The following IL1RL1 variants were observed in gnomAD, a reference collection of about 807,000 sequenced individuals.
IL1RL1 encodes the protein interleukin 1 receptor like 1.
Under a neutral mutation model 50.9 loss-of-function variants are expected in IL1RL1, and 32 were observed. The ratio of observed to expected loss-of-function variants is 0.63; its 90% CI spans 0.47 to 0.84. The LOEUF (loss-of-function observed/expected upper bound fraction) is 0.84. IL1RL1 is among the 40% of genes least tolerant of loss of function. IL1RL1 has a pLI of 0.00. For synonymous variants in IL1RL1, 275 were observed against 236.0 expected (o/e 1.17, Z -1.51); for missense variants, 773 against 662.9 (o/e 1.17, Z -1.82).
chr2:102,323,273 A>ATATATATATATAGT (rs1303334375), intron 1 of IL1RL1, among the ~76,000 whole-genome samples: 58 of 48,474 alleles, frequency 1.2e-3, no homozygotes, highest in Non-Finnish European at 2.4e-3. Context: ...ATATATATAT[A>ATATATATATATAGT]GTGTGTGTGT....
At chr2:102,340,063 A>T (rs1677484299) in intron 3 of IL1RL1, 35 bp from the exon 4 acceptor site, 1 of 1,324,692 alleles carries the variant, frequency 7.5e-7, no homozygotes, top group Admixed American at 2.7e-5. Flanking sequence ...CACAATGCTA[A>T]GTGACTCTTT....
chr2:102,348,932 A>C (rs12999542), intron 9 of IL1RL1, 147 bp from the exon 10 acceptor site: 69,442 of 610,028 alleles, frequency 0.11, 4,769 homozygotes, highest in Middle Eastern at 0.31. Flanking sequence ...CAGTGGTTTG[A>C]CGTCAACATC....
chr2:102,337,604 G>A (rs1379148092), intron 1 of IL1RL1, among the ~76,000 whole-genome samples: 1 of 152,120 alleles, frequency 6.6e-6, no homozygotes, highest in Non-Finnish European at 1.5e-5. Flanking sequence ...GAGGGTTTGG[G>A]GTTGAGAATA....
At chr2:102,321,376 T>A (rs1676833562) in intron 1 of IL1RL1, among the ~76,000 whole-genome samples, 1 of 152,230 alleles carries the variant, frequency 6.6e-6, no homozygotes, top group South Asian at 2.1e-4. Flanking sequence ...GTGATTGGCA[T>A]GAAAGAATAA....
intron 1 of IL1RL1, among the ~76,000 whole-genome samples, chr2:102,317,376 T>C (rs1208404372): frequency 6.6e-6 from 1 of 152,044 alleles, no homozygotes; most frequent in Admixed American, 6.6e-5. Flanking sequence ...TTCAGCAAAA[T>C]ACTTTTTAAA....
intron 8 of IL1RL1, chr2:102,346,010 A>G: frequency 5.1e-6 from 5 of 984,312 alleles, no homozygotes; most frequent in Non-Finnish European, 6.0e-6. Context: ...CTTCTAGCTT[A>G]TTTGTATTTC....
intron 1 of IL1RL1, among the ~76,000 whole-genome samples, chr2:102,314,716 C>A (rs1676623472): frequency 6.6e-6 from 1 of 152,110 alleles, no homozygotes; most frequent in South Asian, 2.1e-4. Context: ...TTTACTAAGA[C>A]AGTTGTAGAT....
chr2:102,318,458 GAGA>G (rs1209831473), intron 1 of IL1RL1, among the ~76,000 whole-genome samples: 1 of 151,878 alleles, frequency 6.6e-6, no homozygotes, highest in African/African-American at 2.4e-5. Flanking sequence ...CAGATTTTGG[GAGA>G]AGAACAGGGA....
Position 102,340,092 on chromosome 2 carries a change from T to C in IL1RL1, c.273-6T>C, listed in dbSNP as rs762523367. ...ACTCTTTTAATTGTCTGACTTATTT[T>C]AACAGTCCCACATTCAATAGGACTG... On this transcript the variant is annotated splice_region_variant and splice_polypyrimidine_tract_variant and intron_variant, in intron 3 of 10. Coordinates refer to ENST00000233954, the MANE Select transcript of IL1RL1 (RefSeq NM_016232.5). The C allele has an allele frequency of 6.8e-7, 1 of 1,479,860 alleles. No individual in the cohort carries two copies. The highest frequency in any genetic ancestry group is 9.0e-7 in the Non-Finnish European group (1 of 1,109,228). 91.7% of individuals were successfully genotyped at this position (1,479,860 alleles called of 1,614,324 possible).
At chr2:102,345,176 C>T in intron 8 of IL1RL1, 3 of 949,302 alleles carry the variant, frequency 3.2e-6, no homozygotes, top group Non-Finnish European at 3.8e-6. Context: ...TATGCCCAGA[C>T]AATGTGAAAC....
chr2:102,320,884 G>A (rs1005367571), intron 1 of IL1RL1, among the ~76,000 whole-genome samples: 8 of 152,142 alleles, frequency 5.3e-5, no homozygotes, highest in South Asian at 2.1e-4. Flanking sequence ...TAATACCTAC[G>A]TCAAGTTTGA....
rs776600848 is a variant in IL1RL1, at chr2:102,343,154, A to G, written c.801A>G (p.Gln267=). ...CAGACTTTGGTGAACCAAGAATTCAACAAGAGGAAGGGCAAAATCAAAGGT... is the reference window on the plus strand; with the variant it reads ...CAGACTTTGGTGAACCAAGAATTCAGCAAGAGGAAGGGCAAAATCAAAGGT... The part of the protein sequence containing the change: ...KITDFGEPRI[Q]QEEGQNQSFS... The change falls in exon 7 of 11, where the codon CAA becomes CAG. Residue 267 remains glutamine, a synonymous_variant. Transcript: ENST00000233954. The G allele has an allele frequency of 1.2e-6, 2 of 1,614,158 alleles. No homozygotes were observed. Among genetic ancestry groups the G allele is most frequent in the Non-Finnish European group, 8.5e-7 (1 of 1,179,996 alleles).
intron 9 of IL1RL1, among the ~76,000 whole-genome samples, chr2:102,348,693 C>T (rs17696376): frequency 0.092 from 14,020 of 152,166 alleles, 765 homozygotes; most frequent in Non-Finnish European, 0.1. Flanking sequence ...AAATTCTATG[C>T]CCTTGCTACT....
In IL1RL1 at chr2:102,349,254, T is replaced by A; in HGVS notation, c.1285+8T>A. Reference sequence around the variant, plus strand: ...ATATGCTACCTGGAGAAGGTAAAGCTATTGACATACATTAGGGACAGAAAT... The same window carrying A: ...ATATGCTACCTGGAGAAGGTAAAGCAATTGACATACATTAGGGACAGAAAT... On this transcript the variant is annotated splice_region_variant and intron_variant, in intron 10 of 10. Transcript: ENST00000233954. 1 of 1,611,106 alleles carries A rather than the reference T, an allele frequency of 6.2e-7. No individual in the cohort carries two copies. Among genetic ancestry groups the A allele is most frequent in the Non-Finnish European group, 8.5e-7 (1 of 1,177,304 alleles).
intron 1 of IL1RL1, among the ~76,000 whole-genome samples, chr2:102,316,578 T>G (rs1386846414): frequency 6.6e-6 from 1 of 152,160 alleles, no homozygotes; most frequent in Non-Finnish European, 1.5e-5. Context: ...AGTTTAATTT[T>G]TATAAAAAAG....
chr2:102,347,837 A>T, intron 8 of IL1RL1, 108 bp from the exon 9 acceptor site: 1 of 646,942 alleles, frequency 1.5e-6, no homozygotes, highest in Non-Finnish European at 2.7e-6. Context: ...CCCAGTGGGT[A>T]TATCTTATGT....
intron 1 of IL1RL1, among the ~76,000 whole-genome samples, chr2:102,318,062 CA>C (rs926116729): frequency 3.3e-5 from 5 of 152,118 alleles, no homozygotes; most frequent in African/African-American, 1.2e-4. Context: ...GACAGACCCC[CA>C]GGGGGTCTTC....
chr2:102,340,650 G>C lies in IL1RL1; in HGVS notation c.448-16G>C. The C allele has an allele frequency of 6.3e-7, 1 of 1,577,490 alleles. No homozygotes were observed. The highest frequency in any genetic ancestry group is 8.6e-7 in the Non-Finnish European group (1 of 1,169,154). On this transcript the variant is annotated splice_polypyrimidine_tract_variant and intron_variant, in intron 4 of 10. Coordinates refer to ENST00000233954, the MANE Select transcript of IL1RL1 (RefSeq NM_016232.5). Reference sequence around the variant, plus strand: ...GTGAAGAATTACTGAGAAGGAAATGGAATTTCTTATTTCAGAATTGTCAGG... The same window carrying C: ...GTGAAGAATTACTGAGAAGGAAATGCAATTTCTTATTTCAGAATTGTCAGG...
chr2:102,351,850 C>G lies in IL1RL1; in HGVS notation c.1600C>G (p.Gln534Glu), dbSNP rs1677946359. The change falls in exon 11 of 11, where the codon CAA becomes GAA. Residue 534 changes from glutamine to glutamate, a missense_variant. Gln to Glu is a conservative substitution (Grantham distance 29). Transcript: ENST00000233954. The part of the protein sequence containing the change: ...NSKFWKHVRY[Q>E]MPVPSKIPRK... ...TAAATTCTGGAAGCACGTGAGGTAC[C>G]AAATGCCTGTGCCAAGCAAAATTCC... 6.2e-6 allele frequency: 10 copies of G among 1,613,870 alleles called. No individual in the cohort carries two copies. The East Asian group carries it at 2.2e-4, about 36-fold the overall frequency.
Sources: allele counts gnomAD v4.1 joint callset (sites outside exome capture counted in the v4.1 genomes callset), GRCh38; gene constraint gnomAD v4.1.1; transcripts MANE v1.5; gene names NCBI Gene and HGNC (gene_info 2026-07-23, HGNC 2026-07-21).